The following CABCOCO1 variants were observed in gnomAD, a reference collection of about 807,000 sequenced individuals.
The protein encoded by CABCOCO1 is ciliary associated calcium binding coiled-coil 1.
A neutral mutation model predicts 35.7 loss-of-function variants in CABCOCO1; 28 were observed. The observed-to-expected ratio is 0.78, with a 90% CI of 0.58 to 1.07. CABCOCO1 has a LOEUF of 1.07. CABCOCO1 is among the 50% of genes least tolerant of loss of function. CABCOCO1 has a pLI of 0.00. For missense variants in CABCOCO1, 326 were observed against 309.2 expected, an observed-to-expected ratio of 1.05 and a Z score of -0.41; for synonymous variants, 95 against 100.1, an observed-to-expected ratio of 0.95 and a Z score of 0.30.
intron 3 of CABCOCO1, 115 bp from the exon 4 acceptor site, chr10:61,685,926 A>T (rs927386244): frequency 3.5e-6 from 3 of 862,266 alleles, no homozygotes; most frequent in Middle Eastern, 3.2e-4. Context: ...TTTACCATTT[A>T]TCCTCACAAA....
At chr10:61,759,197 G>A (rs1480128492) in intron 5 of CABCOCO1, among the ~76,000 whole-genome samples, 1 of 151,918 alleles carries the variant, frequency 6.6e-6, no homozygotes, top group African/African-American at 2.4e-5. Context: ...TTTACAATGA[G>A]GCATGTAGTA....
At chr10:61,667,842 A>G (rs1479547405) in intron 1 of CABCOCO1, among the ~76,000 whole-genome samples, 3 of 151,872 alleles carry the variant, frequency 2.0e-5, no homozygotes, top group Admixed American at 6.5e-5. Flanking sequence ...CATTTCTGCT[A>G]TTTAAGTTAC....
chr10:61,712,858 G>A (rs537031603), intron 5 of CABCOCO1, among the ~76,000 whole-genome samples: 2 of 152,234 alleles, frequency 1.3e-5, no homozygotes, highest in African/African-American at 4.8e-5. Context: ...TGTTCCACTG[G>A]TCTATATCTC....
intron 5 of CABCOCO1, among the ~76,000 whole-genome samples, chr10:61,704,915 G>T (rs1840558457): frequency 6.8e-6 from 1 of 146,406 alleles, no homozygotes; most frequent in African/African-American, 2.5e-5. Context: ...TTGGATTTCT[G>T]GTTAAAAAAA....
intron 1 of CABCOCO1, among the ~76,000 whole-genome samples, chr10:61,665,456 A>T (rs1450277467): frequency 6.6e-6 from 1 of 152,258 alleles, no homozygotes; most frequent in Non-Finnish European, 1.5e-5. Context: ...AGAAAAAATG[A>T]CAAAAATCTG....
chr10:61,666,959 T>C (rs1445730656), intron 1 of CABCOCO1, among the ~76,000 whole-genome samples: 1 of 140,970 alleles, frequency 7.1e-6, no homozygotes, highest in African/African-American at 2.6e-5. Context: ...TATGTATAAA[T>C]ATAATTATAT....
intron 4 of CABCOCO1, among the ~76,000 whole-genome samples, chr10:61,686,480 A>C (rs1448741816): frequency 6.6e-6 from 1 of 152,062 alleles, no homozygotes. Flanking sequence ...TAAGAATTTC[A>C]TTTTTCTTTG....
chr10:61,741,738 A>T (rs1340816007), intron 5 of CABCOCO1, among the ~76,000 whole-genome samples: 2 of 152,240 alleles, frequency 1.3e-5, no homozygotes, highest in South Asian at 4.1e-4. Context: ...ATGAAGCCCA[A>T]AAAAGTAGGG....
At chr10:61,684,428 A>G (rs553911378) in intron 3 of CABCOCO1, among the ~76,000 whole-genome samples, 12 of 152,344 alleles carry the variant, frequency 7.9e-5, no homozygotes, top group Admixed American at 3.9e-4. Context: ...TAGAGCACTT[A>G]CACCCCAGTG....
At chr10:61,674,832 A>G (rs1020676963) in intron 2 of CABCOCO1, among the ~76,000 whole-genome samples, 2 of 152,172 alleles carry the variant, frequency 1.3e-5, no homozygotes, top group African/African-American at 4.8e-5. Flanking sequence ...GCTGCTATCA[A>G]TCATAAATAT....
intron 5 of CABCOCO1, among the ~76,000 whole-genome samples, chr10:61,737,039 T>C (rs1307499145): frequency 6.6e-6 from 1 of 152,160 alleles, no homozygotes; most frequent in Non-Finnish European, 1.5e-5. Context: ...GAAGGAGCTT[T>C]TGGACCAAGA....
chr10:61,726,869 C>A (rs558946679), intron 5 of CABCOCO1, among the ~76,000 whole-genome samples: 6 of 148,844 alleles, frequency 4.0e-5, no homozygotes, highest in South Asian at 2.1e-4. Context: ...ACCAGCCTGG[C>A]CAATATGGCA....
intron 7 of CABCOCO1, among the ~76,000 whole-genome samples, chr10:61,762,176 T>C (rs1249342702): frequency 6.6e-6 from 1 of 152,064 alleles, no homozygotes; most frequent in Non-Finnish European, 1.5e-5. Context: ...ATCCTACAGC[T>C]CTGAAATTAT....
At chr10:61,688,433 G>GA (rs1263422484) in intron 4 of CABCOCO1, among the ~76,000 whole-genome samples, 1 of 152,032 alleles carries the variant, frequency 6.6e-6, no homozygotes, top group African/African-American at 2.4e-5. Context: ...TCTGTGATTT[G>GA]AAAAAAACTA....
chr10:61,747,731 G>A (rs542210282), intron 5 of CABCOCO1, among the ~76,000 whole-genome samples: 1 of 150,488 alleles, frequency 6.6e-6, no homozygotes, highest in Admixed American at 6.6e-5. Context: ...GTGATATGTT[G>A]CAGAATGTGC....
Position 61,682,877 on chromosome 10 carries a change from TCACA to T in CABCOCO1, c.334+1566_334+1569del, listed in dbSNP as rs1336970464. Among the ~76,000 whole-genome samples the T allele has an allele frequency of 4.5e-5, 6 of 132,452 alleles. No homozygotes were observed. In the East Asian group the frequency reaches 1.2e-3, roughly 27 times the overall value. 86.9% of individuals were successfully genotyped at this position (132,452 alleles called of 152,430 possible). ...CATGTAATAGTACCAGGAGTTAGTT[TCACA>T]TGAATTTCTTTTTTTTTTTTTTTAA... On this transcript the variant is annotated intron_variant, in intron 3 of 7. Transcript: ENST00000648843.
chr10:61,682,373 A>G (rs61850469), intron 3 of CABCOCO1, among the ~76,000 whole-genome samples: 1,910 of 152,250 alleles, frequency 0.013, 15 homozygotes, highest in Middle Eastern at 0.037. Context: ...AAATCCCTCC[A>G]CACTTTTAAA....
rs117901143 is a variant in CABCOCO1, at chr10:61,736,081, G to A, written c.553-23978G>A. The stretch of plus-strand genomic sequence containing the variant: ...TTAGACATTTGTCAGATGCATAGTC[G>A]GCAAATATTTTCTCACATTCTGTAG... On this transcript the variant is annotated intron_variant, in intron 5 of 7. Coordinates refer to ENST00000648843, the MANE Select transcript of CABCOCO1 (RefSeq NM_001366906.2). Among the ~76,000 whole-genome samples the A allele has an allele frequency of 2.0e-3, 299 of 152,032 alleles. 1 individual carries two copies. The highest frequency in any genetic ancestry group is 0.015 in the East Asian group (76 of 5,174).
In CABCOCO1 at chr10:61,680,682, T is replaced by C. The variant is rs868472806; in HGVS notation, c.165-461T>C. Reference sequence around the variant, plus strand: ...TTATACATGTATAACATATATGTTATACATGTATAACATATATATGTTATA... The same window carrying C: ...TTATACATGTATAACATATATGTTACACATGTATAACATATATATGTTATA... On this transcript the variant is annotated intron_variant, in intron 2 of 7. Coordinates refer to ENST00000648843, the MANE Select transcript of CABCOCO1 (RefSeq NM_001366906.2). Among the ~76,000 whole-genome samples, 207 of 97,454 alleles carry C rather than the reference T, an allele frequency of 2.1e-3. 30 individuals carry two copies. The highest frequency in any genetic ancestry group is 8.1e-3 in the African/African-American group (198 of 24,298). 63.9% of individuals were successfully genotyped at this position (97,454 alleles called of 152,430 possible).
Sources: gnomAD v4.1 joint callset for allele counts (sites outside exome capture counted in the v4.1 genomes callset) on GRCh38, gnomAD v4.1.1 for gene constraint, MANE v1.5 for transcripts, NCBI Gene and HGNC (gene_info 2026-07-23, HGNC 2026-07-21) for gene names.